IMMP2L: variants seen among roughly 807,000 people sequenced by gnomAD.
IMMP2L encodes inner mitochondrial membrane peptidase subunit 2.
A neutral mutation model predicts 19.3 loss-of-function variants in IMMP2L; 18 were observed. The ratio of observed to expected loss-of-function variants is 0.93; its 90% confidence interval spans 0.64 to 1.38. The LOEUF is 1.38. Among genes scored for constraint, IMMP2L ranks in the 40% most tolerant of loss-of-function variants. The pLI, the probability that IMMP2L is intolerant of heterozygous loss-of-function variation, is 0.00. For synonymous variants in IMMP2L, 76 were observed against 73.0 expected, an observed-to-expected ratio of 1.04 and a Z score of -0.21; for missense variants, 233 against 218.2, an observed-to-expected ratio of 1.07 and a Z score of -0.43.
intron 3 of IMMP2L, among the ~76,000 whole-genome samples, chr7:111,153,507 C>A (rs1013039354): frequency 2.0e-5 from 3 of 151,990 alleles, no homozygotes; most frequent in Admixed American, 2.0e-4. Flanking sequence ...CTGGGCCTAT[C>A]TTTTCATGGT....
intron 3 of IMMP2L, among the ~76,000 whole-genome samples, chr7:111,129,928 A>ATT (rs1801690926): frequency 6.6e-6 from 1 of 152,206 alleles, no homozygotes; most frequent in African/African-American, 2.4e-5. Context: ...ATTACAGCAG[A>ATT]ATATAGATTA....
chr7:111,355,230 C>T (rs1027585715), intron 3 of IMMP2L, among the ~76,000 whole-genome samples: 2 of 150,984 alleles, frequency 1.3e-5, no homozygotes, highest in Non-Finnish European at 3.0e-5. Flanking sequence ...CAATGTACAT[C>T]GAATTTTTTA....
At chr7:110,725,509 T>A (rs1164250363) in intron 5 of IMMP2L, among the ~76,000 whole-genome samples, 1 of 152,138 alleles carries the variant, frequency 6.6e-6, no homozygotes, top group Non-Finnish European at 1.5e-5. Flanking sequence ...TCTTATTTTA[T>A]AATATTGTAA....
At chr7:110,694,916 T>C (rs1793770347) in intron 5 of IMMP2L, among the ~76,000 whole-genome samples, 1 of 152,118 alleles carries the variant, frequency 6.6e-6, no homozygotes, top group South Asian at 2.1e-4. Context: ...TAAATGAACA[T>C]GGATAAACCT....
intron 3 of IMMP2L, among the ~76,000 whole-genome samples, chr7:111,399,181 C>T (rs935167534): frequency 2.0e-5 from 3 of 152,058 alleles, no homozygotes; most frequent in African/African-American, 7.2e-5. Context: ...CAAAGCAAGA[C>T]TAAGCAAAAA....
At chr7:111,444,455 T>G (rs1838086463) in intron 3 of IMMP2L, among the ~76,000 whole-genome samples, 1 of 152,132 alleles carries the variant, frequency 6.6e-6, no homozygotes. Context: ...ATGGGGATAA[T>G]AACAGTAAGT....
chr7:110,995,593 T>A (rs1822943071), intron 3 of IMMP2L, among the ~76,000 whole-genome samples: 1 of 152,140 alleles, frequency 6.6e-6, no homozygotes, highest in African/African-American at 2.4e-5. Context: ...GTTAAAATGT[T>A]TGGTACACAG....
At chr7:110,881,465 T>C (rs189762364) in intron 5 of IMMP2L, among the ~76,000 whole-genome samples, 12 of 152,256 alleles carry the variant, frequency 7.9e-5, no homozygotes, top group African/African-American at 1.9e-4. Context: ...TTCTATAAAA[T>C]ACAGATTATT....
intron 5 of IMMP2L, among the ~76,000 whole-genome samples, chr7:110,731,486 TC>T (rs1017373126): frequency 1.3e-5 from 2 of 152,144 alleles, no homozygotes; most frequent in African/African-American, 4.8e-5. Context: ...TATCTGTTTG[TC>T]ATTGCAATAA....
chr7:111,496,526 C>A (rs1249630681), intron 2 of IMMP2L, among the ~76,000 whole-genome samples: 1 of 152,178 alleles, frequency 6.6e-6, no homozygotes, highest in Non-Finnish European at 1.5e-5. Flanking sequence ...CCAACATGGG[C>A]AGGCACCATG....
intron 5 of IMMP2L, among the ~76,000 whole-genome samples, chr7:110,861,391 C>T (rs563967535): frequency 4.0e-5 from 6 of 151,804 alleles, no homozygotes; most frequent in South Asian, 2.1e-4. Context: ...GTAATCCTCC[C>T]GAGTAGGAGG....
At chr7:111,063,589 A>T (rs1419177648) in intron 3 of IMMP2L, among the ~76,000 whole-genome samples, 2 of 152,136 alleles carry the variant, frequency 1.3e-5, no homozygotes, top group Admixed American at 6.5e-5. Context: ...CCAAACTTTT[A>T]TGCTCTGCTC....
At chr7:111,113,521 TTTA>T (rs1799489794) in intron 3 of IMMP2L, among the ~76,000 whole-genome samples, 1 of 152,178 alleles carries the variant, frequency 6.6e-6, no homozygotes, top group Non-Finnish European at 1.5e-5. Context: ...AATCACTTCA[TTTA>T]TTTTTTTCTT....
intron 3 of IMMP2L, among the ~76,000 whole-genome samples, chr7:110,989,952 T>C (rs994694472): frequency 5.3e-5 from 8 of 152,108 alleles, no homozygotes; most frequent in African/African-American, 1.7e-4. Flanking sequence ...CAAAAACCGA[T>C]GCTATTTTGT....
intron 3 of IMMP2L, among the ~76,000 whole-genome samples, chr7:111,413,216 A>G (rs1417049591): frequency 6.6e-6 from 1 of 152,166 alleles, no homozygotes; most frequent in African/African-American, 2.4e-5. Context: ...TTTAACTCAT[A>G]ATTAACAATC....
chr7:111,451,829 A>G lies in IMMP2L; in HGVS notation c.239+35409T>C, dbSNP rs79017954. Among the ~76,000 whole-genome samples, 49 of 152,224 alleles carry G rather than the reference A, an allele frequency of 3.2e-4. 1 individual carries two copies. The East Asian group carries it at 8.9e-3, about 28-fold the overall frequency. ...AAACCCTTTCAAACAAAGAAATCCT[A>G]CGTTTTCTCTCGATATATCACTAGA... On this transcript the variant is annotated intron_variant, in intron 3 of 5. Coordinates refer to ENST00000405709, the MANE Select transcript of IMMP2L (RefSeq NM_032549.4).
chr7:111,210,723 G>T (rs1232642592), intron 3 of IMMP2L, among the ~76,000 whole-genome samples: 3 of 151,928 alleles, frequency 2.0e-5, no homozygotes, highest in African/African-American at 7.3e-5. Context: ...AACAAAAACT[G>T]CTCTTAATAC....
chr7:110,851,267 T>A (rs1445083030), intron 5 of IMMP2L, among the ~76,000 whole-genome samples: 1 of 152,130 alleles, frequency 6.6e-6, no homozygotes, highest in Non-Finnish European at 1.5e-5. Context: ...TATAAATAGA[T>A]CATCTTTACA....
chr7:111,370,725 A>G (rs1003639851), intron 3 of IMMP2L, among the ~76,000 whole-genome samples: 18 of 151,928 alleles, frequency 1.2e-4, no homozygotes, highest in Non-Finnish European at 1.5e-5. Context: ...CAGCATGTTA[A>G]CGAGATTCCC....
Sources: gnomAD v4.1 joint callset for allele counts (sites outside exome capture counted in the v4.1 genomes callset) on GRCh38, gnomAD v4.1.1 for gene constraint, MANE v1.5 for transcripts, NCBI Gene and HGNC (gene_info 2026-07-23, HGNC 2026-07-21) for gene names.